Variants in GLRA2 observed in about 807,000 individuals in gnomAD.
The protein encoded by GLRA2 is glycine receptor alpha 2, also known as glycine receptor subunit alpha-2.
GLRA2 carries 11 observed loss-of-function variants against 31.6 expected under a neutral mutation model. The observed-to-expected ratio is 0.35, with a 90% CI of 0.22 to 0.58. The LOEUF is 0.58. Among genes scored for constraint, GLRA2 ranks in the 20% least tolerant of loss-of-function variants. The pLI is 0.84. For missense variants in GLRA2, 212 were observed against 351.8 expected, an observed-to-expected ratio of 0.60 and a Z score of 3.18; for synonymous variants, 132 against 134.0, an observed-to-expected ratio of 0.99 and a Z score of 0.10.
the GLRA2 span, among the ~76,000 whole-genome samples, chrX:14,466,978 T>C: frequency 2.7e-5 from 3 of 111,572 alleles, no homozygotes; most frequent in Admixed American, 2.9e-4. Flanking sequence ...CCTCAATAGC[T>C]CTGGTTGATT....
chrX:14,606,561 C>A (rs1399503336), intron 5 of GLRA2, among the ~76,000 whole-genome samples: 1 of 111,390 alleles, frequency 9.0e-6, no homozygotes, highest in Non-Finnish European at 1.9e-5. Flanking sequence ...TCTTAGATTA[C>A]CTGCCAATAG....
intron 4 of GLRA2, among the ~76,000 whole-genome samples, chrX:14,592,767 A>T (rs2090158666): frequency 8.9e-6 from 1 of 112,488 alleles, no homozygotes; most frequent in Non-Finnish European, 1.9e-5. Flanking sequence ...GATCATTTGT[A>T]CCCTCTGATT....
At chrX:14,466,922 G>T in the GLRA2 span, among the ~76,000 whole-genome samples, 1 of 111,892 alleles carries the variant, frequency 8.9e-6, no homozygotes, top group South Asian at 3.7e-4. Flanking sequence ...ATCCAGGATG[G>T]TTCCACATGG....
intron 8 of GLRA2, among the ~76,000 whole-genome samples, chrX:14,714,614 C>G (rs1050934357): frequency 5.4e-5 from 6 of 111,524 alleles, no homozygotes; most frequent in Non-Finnish European, 1.1e-4. Context: ...TCTCCCCTGC[C>G]CATACATTTT....
chrX:14,708,723 G>A (rs1195369048), intron 8 of GLRA2, among the ~76,000 whole-genome samples: 1 of 111,440 alleles, frequency 9.0e-6, no homozygotes, highest in Non-Finnish European at 1.9e-5. Flanking sequence ...GATGGCCTGG[G>A]GTCAGGAGTT....
At chrX:14,501,068 GT>G in the GLRA2 span, among the ~76,000 whole-genome samples, 1 of 91,417 alleles carries the variant, frequency 1.1e-5, no homozygotes, top group African/African-American at 3.9e-5. Context: ...TTTCGAAAAA[GT>G]AGTAAAAAAA....
At chrX:14,454,475 G>C in the GLRA2 span, among the ~76,000 whole-genome samples, 1 of 109,918 alleles carries the variant, frequency 9.1e-6, no homozygotes, top group Non-Finnish European at 1.9e-5. Context: ...ATAATGTTTG[G>C]ATTGTACAAC....
At chrX:14,723,800 T>C (rs1051117243) in intron 8 of GLRA2, among the ~76,000 whole-genome samples, 2 of 112,229 alleles carry the variant, frequency 1.8e-5, no homozygotes, top group African/African-American at 6.5e-5. Flanking sequence ...AAAGCTTCTC[T>C]TATCTGTCAG....
intron 7 of GLRA2, 46 bp from the exon 8 acceptor site, chrX:14,690,664 T>A (rs756607241): frequency 3.9e-5 from 35 of 894,354 alleles, no homozygotes; most frequent in Non-Finnish European, 5.7e-5. Context: ...TTTCTTTCTC[T>A]CTCTCTCTCT....
chrX:14,702,289 T>C (rs1293744952), intron 8 of GLRA2, among the ~76,000 whole-genome samples: 1 of 111,626 alleles, frequency 9.0e-6, no homozygotes, highest in East Asian at 2.8e-4. Flanking sequence ...ATTGGAACTG[T>C]GGAAACATCA....
Position 14,694,575 on chromosome X carries a change from TTAGGAGGCTATTGTAGAACTA to T in GLRA2, c.1080+3721_1080+3741del, listed in dbSNP as rs201895755. 8.1e-3 allele frequency among the ~76,000 whole-genome samples: 899 copies of T among 111,672 alleles called. 7 individuals carry two copies. The highest frequency in any genetic ancestry group is 0.012 in the Non-Finnish European group (611 of 52,941). On this transcript the variant is annotated intron_variant, in intron 8 of 8. Coordinates refer to ENST00000218075, the MANE Select transcript of GLRA2 (RefSeq NM_002063.4). ...GGTGTCAAGAGTAGCAGCAGATAAG[TTAGGAGGCTATTGTAGAACTA>T]TAGGTGGAAATGTTGATGGCTTAGA...
intron 8 of GLRA2, among the ~76,000 whole-genome samples, chrX:14,711,727 C>G (rs760740701): frequency 7.1e-5 from 8 of 112,539 alleles, no homozygotes; most frequent in Non-Finnish European, 1.5e-4. Flanking sequence ...ACAAAAGAGA[C>G]TGAGGCACGT....
At chrX:14,709,341 T>C (rs2091679720) in intron 8 of GLRA2, among the ~76,000 whole-genome samples, 2 of 112,078 alleles carry the variant, frequency 1.8e-5, no homozygotes, top group Admixed American at 1.9e-4. Context: ...GGTCAACAAT[T>C]AGATCAACAG....
intron 8 of GLRA2, among the ~76,000 whole-genome samples, chrX:14,691,462 A>G (rs767269540): frequency 1.0e-3 from 113 of 111,854 alleles, no homozygotes; most frequent in Non-Finnish European, 1.8e-3. Flanking sequence ...ATCTCAACTT[A>G]AACTTTAGTG....
At chrX:14,606,397 C>A (rs773689748) in intron 5 of GLRA2, among the ~76,000 whole-genome samples, 13 of 111,306 alleles carry the variant, frequency 1.2e-4, no homozygotes, top group Non-Finnish European at 2.1e-4. Context: ...AAACTGATAA[C>A]AATTTTACTT....
intron 7 of GLRA2, among the ~76,000 whole-genome samples, chrX:14,678,082 T>G (rs1278130033): frequency 8.9e-6 from 1 of 111,894 alleles, no homozygotes; most frequent in Admixed American, 9.5e-5. Context: ...AAATGTCCCC[T>G]GGAGTGAAAA....
Position 14,574,347 on chromosome X carries a change from G to A in GLRA2, c.217G>A (p.Val73Ile), listed in dbSNP as rs374274759. ...GCATTCTGCAGGTCCTCCAGTAAAC[G>A]TTACTTGCAATATTTTTATCAACAG... is the stretch of plus-strand genomic sequence containing the variant. Reference protein sequence around the residue: ...RPNFKGPPVNVTCNIFINSFG... With the variant: ...RPNFKGPPVNITCNIFINSFG... The change falls in exon 3 of 9, where the codon GTT (valine) becomes ATT (isoleucine). Residue 73 changes from valine (V) to isoleucine (I), a missense_variant. Physicochemically the swap from Val to Ile is conservative, Grantham distance 29. Transcript: ENST00000218075. The A allele has an allele frequency of 4.1e-5, 49 of 1,196,215 alleles. No homozygotes were observed. The highest frequency in any genetic ancestry group is 5.3e-5 in the South Asian group (3 of 56,513).
chrX:14,496,703 G>A, the GLRA2 span, among the ~76,000 whole-genome samples: 1 of 111,970 alleles, frequency 8.9e-6, no homozygotes, highest in Non-Finnish European at 1.9e-5. Flanking sequence ...GCTGTCAAAC[G>A]TCAGGCCCAT....
intron 2 of GLRA2, among the ~76,000 whole-genome samples, chrX:14,547,549 C>T (rs1327351535): frequency 2.7e-5 from 3 of 111,310 alleles, no homozygotes; most frequent in Admixed American, 1.9e-4. Context: ...GGAAATGAGA[C>T]AAAGAAGTGG....
Sources: allele counts gnomAD v4.1 joint callset (sites outside exome capture counted in the v4.1 genomes callset), GRCh38; gene constraint gnomAD v4.1.1; transcripts MANE v1.5; gene names NCBI Gene and HGNC (gene_info 2026-07-23, HGNC 2026-07-21).